Variants in PDZRN4 observed in about 807,000 individuals in gnomAD.
PDZRN4 encodes PDZ domain containing ring finger 4.
In PDZRN4, 70 loss-of-function variants were observed where a neutral mutation model predicts 99.0. The observed-to-expected ratio is 0.71, with a 90% CI of 0.58 to 0.86. The LOEUF is 0.86. PDZRN4 is among the 40% of genes least tolerant of loss of function. PDZRN4 has a pLI of 0.00. For synonymous variants in PDZRN4, 551 were observed against 501.6 expected, an observed-to-expected ratio of 1.10 and a Z score of -1.32; for missense variants, 1,474 against 1,331.2, an observed-to-expected ratio of 1.11 and a Z score of -1.67.
intron 3 of PDZRN4, among the ~76,000 whole-genome samples, chr12:41,266,990 C>A (rs11614877): frequency 2.0e-5 from 3 of 152,042 alleles, no homozygotes; most frequent in African/African-American, 7.2e-5. Flanking sequence ...TACAGTTAGA[C>A]GACCAGCCCA....
intron 5 of PDZRN4, among the ~76,000 whole-genome samples, chr12:41,512,560 A>T (rs1229464348): frequency 1.3e-5 from 2 of 152,054 alleles, no homozygotes; most frequent in African/African-American, 2.4e-5. Context: ...GAAGGGGTGA[A>T]TTCAGAGAAA....
intron 6 of PDZRN4, among the ~76,000 whole-genome samples, chr12:41,555,052 C>CAAAA (rs67810817): frequency 4.4e-5 from 5 of 113,542 alleles, no homozygotes; most frequent in Non-Finnish European, 9.0e-5. Flanking sequence ...ACTAAAAATA[C>CAAAA]AAAAAAAAAA....
At chr12:41,383,086 G>T (rs763587020) in intron 3 of PDZRN4, among the ~76,000 whole-genome samples, 3 of 152,188 alleles carry the variant, frequency 2.0e-5, no homozygotes, top group Non-Finnish European at 4.4e-5. Context: ...TTGAGCCTCA[G>T]ATATGACTGT....
At chr12:41,328,153 A>G (rs908762822) in intron 3 of PDZRN4, among the ~76,000 whole-genome samples, 1 of 152,184 alleles carries the variant, frequency 6.6e-6, no homozygotes, top group African/African-American at 2.4e-5. Context: ...AACAAAATCT[A>G]AACTTTAATT....
intron 3 of PDZRN4, among the ~76,000 whole-genome samples, chr12:41,470,599 C>G (rs1386703500): frequency 1.3e-5 from 2 of 152,102 alleles, no homozygotes; most frequent in Non-Finnish European, 2.9e-5. Flanking sequence ...GTGCTGCACC[C>G]ATTAACTCGT....
chr12:41,379,388 A>AT (rs527402215), intron 3 of PDZRN4, among the ~76,000 whole-genome samples: 4,935 of 144,638 alleles, frequency 0.034, 115 homozygotes, highest in African/African-American at 0.074. Context: ...ATAATACTTT[A>AT]TTTTTTTTTA....
intron 3 of PDZRN4, among the ~76,000 whole-genome samples, chr12:41,333,512 T>C (rs1214292343): frequency 5.3e-5 from 8 of 152,110 alleles, no homozygotes; most frequent in Non-Finnish European, 1.0e-4. Flanking sequence ...CATTGCTTAT[T>C]GCCTTTGTGT....
chr12:41,505,933 G>T (rs934999643), intron 3 of PDZRN4, among the ~76,000 whole-genome samples: 1 of 152,054 alleles, frequency 6.6e-6, no homozygotes, highest in Non-Finnish European at 1.5e-5. Context: ...CTAGTTCACA[G>T]ACCACACTTC....
Position 41,573,123 on chromosome 12 carries a change from T to G in PDZRN4, c.2344T>G (p.Ser782Ala), listed in dbSNP as rs1286705670. ...LRSTMAATQS[S>A]SGQSSKESTS... ...AAGCACAATGGCAGCCACCCAGTCC[T>G]CTTCCGGACAGAGCAGTAAAGAGTC... Residue 782 changes from serine (S) to alanine (A), a missense_variant, in exon 10 of 10, where the codon TCT (serine) becomes GCT (alanine). Transcript: ENST00000402685. 3 of 1,614,120 alleles carry G rather than the reference T, an allele frequency of 1.9e-6. No homozygotes were observed. The highest frequency in any genetic ancestry group is 2.5e-6 in the Non-Finnish European group (3 of 1,180,014).
In PDZRN4 at chr12:41,573,273, C is replaced by T; in HGVS notation, c.2494C>T (p.Pro832Ser). The change falls in exon 10 of 10, where the codon CCT becomes TCT. Residue 832 changes from proline (P) to serine (S), a missense_variant. Transcript: ENST00000402685. ...AVSEHIPYLS[P>S]YHSSSYRYAN... ...CAGCGAACACATCCCTTACCTCTCT[C>T]CTTACCACAGCTCCTCATATAGATA... 1 of 1,613,846 alleles carries T rather than the reference C, an allele frequency of 6.2e-7. No individual in the cohort carries two copies. Among genetic ancestry groups the T allele is most frequent in the Non-Finnish European group, 8.5e-7 (1 of 1,180,028 alleles).
chr12:41,482,117 A>G (rs1296710696), intron 3 of PDZRN4, among the ~76,000 whole-genome samples: 1 of 152,130 alleles, frequency 6.6e-6, no homozygotes, highest in Non-Finnish European at 1.5e-5. Flanking sequence ...ATGTCTGACC[A>G]TTGGGTTGCC....
intron 3 of PDZRN4, among the ~76,000 whole-genome samples, chr12:41,298,668 T>A (rs945720050): frequency 2.6e-5 from 4 of 152,162 alleles, no homozygotes; most frequent in Admixed American, 2.0e-4. Context: ...TTGCTGAAGC[T>A]TATTTTAAAT....
intron 3 of PDZRN4, among the ~76,000 whole-genome samples, chr12:41,337,813 T>C (rs1329266802): frequency 6.6e-6 from 1 of 152,084 alleles, no homozygotes; most frequent in Non-Finnish European, 1.5e-5. Context: ...TTGACACCAA[T>C]CCTCTTCTTA....
At chr12:41,230,502 G>C (rs79609419) in intron 3 of PDZRN4, among the ~76,000 whole-genome samples, 2,619 of 152,122 alleles carry the variant, frequency 0.017, 38 homozygotes, top group East Asian at 0.059. Flanking sequence ...TTGCTTTGCT[G>C]GATTATCTTT....
At chr12:41,326,781 A>C (rs181470343) in intron 3 of PDZRN4, among the ~76,000 whole-genome samples, 30 of 152,332 alleles carry the variant, frequency 2.0e-4, no homozygotes, top group African/African-American at 7.2e-4. Flanking sequence ...AAAATGAGGA[A>C]GCAAACAGTT....
At chr12:41,556,132 C>G (rs767867245) in intron 7 of PDZRN4, among the ~76,000 whole-genome samples, 6 of 152,142 alleles carry the variant, frequency 3.9e-5, no homozygotes, top group African/African-American at 1.4e-4. Context: ...GCTTGCCATA[C>G]GCTTAACACA....
chr12:41,361,303 T>C (rs1951962318), intron 3 of PDZRN4, among the ~76,000 whole-genome samples: 1 of 152,212 alleles, frequency 6.6e-6, no homozygotes, highest in South Asian at 2.1e-4. Flanking sequence ...GAAATGCTAA[T>C]GAAATATATT....
intron 3 of PDZRN4, among the ~76,000 whole-genome samples, chr12:41,472,003 C>CTT (rs71081744): frequency 0.14 from 19,866 of 140,048 alleles, 1,500 homozygotes; most frequent in South Asian, 0.24. Flanking sequence ...TTCTATATTA[C>CTT]TTTTTTTTTT....
intron 3 of PDZRN4, among the ~76,000 whole-genome samples, chr12:41,488,724 T>G (rs1265245894): frequency 1.3e-5 from 2 of 152,322 alleles, no homozygotes; most frequent in East Asian, 1.9e-4. Context: ...CCTTGCTATT[T>G]TATTCAGATA....
Sources: allele counts gnomAD v4.1 joint callset (sites outside exome capture counted in the v4.1 genomes callset), GRCh38; gene constraint gnomAD v4.1.1; transcripts MANE v1.5; gene names NCBI Gene and HGNC (gene_info 2026-07-23, HGNC 2026-07-21).